Variants in PCSK5 observed in about 807,000 individuals in gnomAD.
PCSK5 encodes the protein proprotein convertase subtilisin/kexin type 5.
Under a neutral mutation model 233.2 loss-of-function variants are expected in PCSK5, and 129 were observed. That is an observed-to-expected ratio of 0.55 (90% CI 0.48 to 0.64). PCSK5 has a LOEUF of 0.64. Among genes scored for constraint, PCSK5 ranks in the 30% least tolerant of loss-of-function variants. The pLI is 0.00. For missense variants in PCSK5, 2,076 were observed against 2,430.1 expected, an observed-to-expected ratio of 0.85 and a Z score of 3.06; for synonymous variants, 825 against 879.2, an observed-to-expected ratio of 0.94 and a Z score of 1.09.
chr9:76,271,964 T>A (rs1827526255), intron 24 of PCSK5, among the ~76,000 whole-genome samples: 1 of 152,178 alleles, frequency 6.6e-6, no homozygotes, highest in Admixed American at 6.5e-5. Context: ...TCATTTGATT[T>A]AGCTTAGGGC....
chr9:76,147,503 G>A lies in PCSK5; in HGVS notation c.1313-9542G>A, dbSNP rs114853426. 5.5e-3 allele frequency among the ~76,000 whole-genome samples: 830 copies of A among 152,156 alleles called. 6 individuals carry two copies. Among genetic ancestry groups the A allele is most frequent in the African/African-American group, 0.014 (597 of 41,508 alleles). On this transcript the variant is annotated intron_variant, in intron 10 of 37. Transcript: ENST00000674117. ...TAAGTGTTCTCAAAGTGTGGTCCCC[G>A]GACCAACAATATACCAGCATCACCT...
chr9:76,242,026 G>T (rs980935039), intron 24 of PCSK5, among the ~76,000 whole-genome samples: 2 of 152,174 alleles, frequency 1.3e-5, no homozygotes, highest in African/African-American at 4.8e-5. Flanking sequence ...GTTACTAGGG[G>T]TAAGATTGTG....
At chr9:76,148,343 T>TTCTCTCTCCC (rs76717187) in intron 10 of PCSK5, among the ~76,000 whole-genome samples, 8 of 139,924 alleles carry the variant, frequency 5.7e-5, no homozygotes, top group Non-Finnish European at 9.2e-5. Flanking sequence ...GGGAGGGAGT[T>TTCTCTCTCCC]TCTCTCTCCC....
At chr9:76,356,710 C>A (rs745393059) in intron 37 of PCSK5, among the ~76,000 whole-genome samples, 5 of 151,772 alleles carry the variant, frequency 3.3e-5, no homozygotes, top group Non-Finnish European at 7.4e-5. Context: ...TAGAAAACTT[C>A]TTTCTCACTA....
chr9:76,344,927 TTAGA>T (rs575211656), intron 35 of PCSK5, among the ~76,000 whole-genome samples: 23 of 152,284 alleles, frequency 1.5e-4, no homozygotes, highest in African/African-American at 5.3e-4. Flanking sequence ...ATTGCGGGGA[TTAGA>T]TAAATGATTC....
At chr9:76,092,035 T>G (rs1029035) in intron 7 of PCSK5, among the ~76,000 whole-genome samples, 71,604 of 151,732 alleles carry the variant, frequency 0.47, 17,185 homozygotes, top group South Asian at 0.53. Flanking sequence ...TCCTTCTTAG[T>G]GGTATCTTCC....
rs772301213 is a variant in PCSK5, at chr9:76,350,853, C to T, written c.4992C>T (p.Ser1664=). The T allele has an allele frequency of 4.4e-6, 7 of 1,605,678 alleles. No individual in the cohort carries two copies. The African/African-American group carries it at 9.4e-5, about 21-fold the overall frequency. ...CKGKGALNCL[S]CVWSYHLMGG... The stretch of plus-strand genomic sequence containing the variant: ...GAAAAGGAGCGTTGAATTGTTTATC[C>T]TGTGTGTGGAGTTACCACCTCATGG... The change falls in exon 36 of 38, where the codon TCC becomes TCT. Residue 1664 remains serine, a synonymous_variant. Transcript: ENST00000674117.
At chr9:76,285,135 G>A (rs899507234) in intron 24 of PCSK5, among the ~76,000 whole-genome samples, 4 of 152,160 alleles carry the variant, frequency 2.6e-5, no homozygotes, top group African/African-American at 4.8e-5. Flanking sequence ...AAGTATGGCT[G>A]GAGCATGACT....
intron 9 of PCSK5, among the ~76,000 whole-genome samples, chr9:76,128,279 G>T (rs1822601828): frequency 6.6e-6 from 1 of 152,126 alleles, no homozygotes; most frequent in Non-Finnish European, 1.5e-5. Flanking sequence ...ACTAGATTCT[G>T]GGTTATGGGT....
chr9:75,998,914 TAAA>T (rs1201838422), intron 3 of PCSK5, among the ~76,000 whole-genome samples: 1 of 152,210 alleles, frequency 6.6e-6, no homozygotes, highest in African/African-American at 2.4e-5. Context: ...TACTATCACA[TAAA>T]AAATTAATTT....
At chr9:76,155,916 C>T (rs1010884359) in intron 10 of PCSK5, among the ~76,000 whole-genome samples, 1 of 152,168 alleles carries the variant, frequency 6.6e-6, no homozygotes, top group African/African-American at 2.4e-5. Flanking sequence ...GCAGAAAGAG[C>T]AGCCTCTGAC....
At chr9:76,147,307 C>T (rs1361413176) in intron 10 of PCSK5, among the ~76,000 whole-genome samples, 2 of 152,122 alleles carry the variant, frequency 1.3e-5, no homozygotes, top group Non-Finnish European at 2.9e-5. Flanking sequence ...TTTGGGATAA[C>T]CATATAAAAA....
At chr9:76,313,261 T>TA (rs987909358) in intron 30 of PCSK5, among the ~76,000 whole-genome samples, 1 of 152,204 alleles carries the variant, frequency 6.6e-6, no homozygotes, top group Non-Finnish European at 1.5e-5. Flanking sequence ...GAGTATTTTT[T>TA]AAATCACAAC....
chr9:76,095,736 C>T (rs1168236910), intron 7 of PCSK5, among the ~76,000 whole-genome samples, 154 bp from the exon 8 acceptor site: 4 of 152,124 alleles, frequency 2.6e-5, no homozygotes, highest in African/African-American at 9.7e-5. Context: ...ATAAAACCAA[C>T]GCCTCTTACT....
chr9:76,233,159 T>C lies in PCSK5; in HGVS notation c.2730-301T>C, dbSNP rs367939347. On this transcript the variant is annotated intron_variant, in intron 21 of 37. Coordinates refer to ENST00000674117, the MANE Select transcript of PCSK5 (RefSeq NM_001372043.1). ...CCATCTGACTGTTGGCTGGGTTTGG[T>C]TGGGGCCTATAATCTGGATTTCGTC... is the stretch of plus-strand genomic sequence containing the variant. 4.6e-5 allele frequency among the ~76,000 whole-genome samples: 7 copies of C among 152,334 alleles called. No individual in the cohort carries two copies. In the East Asian group the frequency reaches 1.2e-3, roughly 25 times the overall value.
rs117320526 is a variant in PCSK5 at position 76,020,172 on chromosome 9, C to T, written c.412-3566C>T. On this transcript the variant is annotated intron_variant, in intron 3 of 37. Coordinates refer to ENST00000674117, the MANE Select transcript of PCSK5 (RefSeq NM_001372043.1). The stretch of plus-strand genomic sequence containing the variant: ...TTGATGATGTATGAGGGAATCATGG[C>T]TAATATGTGTTCCGTTTGCCTCTGG... 1.8e-3 allele frequency among the ~76,000 whole-genome samples: 281 copies of T among 152,288 alleles called. 1 individual carries two copies. In the East Asian group the frequency reaches 0.025, roughly 14 times the overall value.
chr9:76,252,868 G>A lies in PCSK5; in HGVS notation c.3142+12184G>A, dbSNP rs74427991. 8.6e-3 allele frequency among the ~76,000 whole-genome samples: 1,306 copies of A among 152,286 alleles called. 12 individuals carry two copies. The highest frequency in any genetic ancestry group is 0.01 in the Non-Finnish European group (701 of 68,030). ...AGACATGAAGTTCACTCTTTAATTT[G>A]CTATTGCAGCAGATATGCAAGGTTT... On this transcript the variant is annotated intron_variant, in intron 24 of 37. Transcript: ENST00000674117.
At chr9:76,311,351 T>TAA (rs61133669) in intron 30 of PCSK5, among the ~76,000 whole-genome samples, 7 of 143,230 alleles carry the variant, frequency 4.9e-5, no homozygotes, top group Non-Finnish European at 7.6e-5. Flanking sequence ...ACCCTGTCTT[T>TAA]AAAAAAAAAA....
intron 20 of PCSK5, among the ~76,000 whole-genome samples, chr9:76,226,481 C>A (rs1825895547): frequency 6.6e-6 from 1 of 152,094 alleles, no homozygotes; most frequent in South Asian, 2.1e-4. Context: ...TGCAGTAAGA[C>A]AACGTGATTA....
Sources: allele counts gnomAD v4.1 joint callset (sites outside exome capture counted in the v4.1 genomes callset), GRCh38; gene constraint gnomAD v4.1.1; transcripts MANE v1.5; gene names NCBI Gene and HGNC (gene_info 2026-07-23, HGNC 2026-07-21).